Variants in SLC35F3 observed in about 807,000 individuals in gnomAD.
The protein encoded by SLC35F3 is solute carrier family 35 member F3, also known as putative thiamine transporter SLC35F3.
A neutral mutation model predicts 49.9 loss-of-function variants in SLC35F3; 25 were observed. That is an observed-to-expected ratio of 0.50 (90% CI 0.37 to 0.70). The LOEUF is 0.70. SLC35F3 is among the 30% of genes least tolerant of loss of function. SLC35F3 has a pLI of 0.00. For missense variants in SLC35F3, 525 were observed against 639.8 expected (o/e 0.82, Z 1.94); for synonymous variants, 275 against 265.4 (o/e 1.04, Z -0.35).
chr1:234,308,823 A>G (rs79721052), intron 3 of SLC35F3, among the ~76,000 whole-genome samples: 2,432 of 152,172 alleles, frequency 0.016, 30 homozygotes, highest in South Asian at 0.056. Flanking sequence ...GGGTCAGATA[A>G]CACACCAACA....
intron 2 of SLC35F3, among the ~76,000 whole-genome samples, chr1:234,207,062 C>A (rs1450855170): frequency 6.6e-6 from 1 of 152,150 alleles, no homozygotes; most frequent in Non-Finnish European, 1.5e-5. Context: ...CTAGTTCCCA[C>A]TCCACAGAGG....
chr1:234,094,699 A>G (rs1333843006), intron 2 of SLC35F3, among the ~76,000 whole-genome samples: 2 of 152,174 alleles, frequency 1.3e-5, no homozygotes, highest in Non-Finnish European at 2.9e-5. Flanking sequence ...ATATGGCATT[A>G]TAGGATTCGG....
chr1:234,079,666 A>G (rs979777241), intron 2 of SLC35F3, among the ~76,000 whole-genome samples: 12 of 152,248 alleles, frequency 7.9e-5, no homozygotes, highest in African/African-American at 2.9e-4. Context: ...AACATCATTC[A>G]TTATTAGGGA....
At chr1:234,315,241 TAGAA>T (rs1657459564) in intron 4 of SLC35F3, among the ~76,000 whole-genome samples, 2 of 152,230 alleles carry the variant, frequency 1.3e-5, no homozygotes, top group South Asian at 2.1e-4. Context: ...CAGTATTATA[TAGAA>T]ACATAGCGTA....
At chr1:234,088,067 C>T (rs890498400) in intron 2 of SLC35F3, among the ~76,000 whole-genome samples, 1 of 152,226 alleles carries the variant, frequency 6.6e-6, no homozygotes, top group Non-Finnish European at 1.5e-5. Flanking sequence ...AATGTAAGCT[C>T]CATGAATGCA....
chr1:234,207,773 A>G (rs1666995787), intron 2 of SLC35F3, among the ~76,000 whole-genome samples: 1 of 152,186 alleles, frequency 6.6e-6, no homozygotes, highest in African/African-American at 2.4e-5. Flanking sequence ...AGTCCAAGGC[A>G]GGAGGATTGC....
chr1:234,256,595 G>C (rs191951585), intron 3 of SLC35F3, among the ~76,000 whole-genome samples: 41 of 152,270 alleles, frequency 2.7e-4, no homozygotes, highest in African/African-American at 8.9e-4. Context: ...ACCACGGAGT[G>C]GTTCTGGCCA....
At chr1:234,082,459 A>G (rs559605175) in intron 2 of SLC35F3, among the ~76,000 whole-genome samples, 14 of 152,282 alleles carry the variant, frequency 9.2e-5, no homozygotes, top group African/African-American at 3.4e-4. Flanking sequence ...TTGGTTTTAC[A>G]TTCTGCTTGT....
At chr1:234,295,492 C>T (rs937027154) in intron 3 of SLC35F3, among the ~76,000 whole-genome samples, 1 of 152,168 alleles carries the variant, frequency 6.6e-6, no homozygotes, top group African/African-American at 2.4e-5. Context: ...CGATTGCAAG[C>T]ACGGGAGCCA....
Position 234,303,410 on chromosome 1 carries a change from A to T in SLC35F3, c.609-5691A>T, listed in dbSNP as rs570091124. Among the ~76,000 whole-genome samples the T allele has an allele frequency of 3.9e-5, 6 of 152,310 alleles. No individual in the cohort carries two copies. In the South Asian group the frequency reaches 1.2e-3, roughly 32 times the overall value. On this transcript the variant is annotated intron_variant, in intron 3 of 7. Transcript: ENST00000366618. Reference sequence around the variant, plus strand: ...TGCGGTTCCCGGTCTGCAGCAGAGCACCCTGTTGATGCTGGGACCCACTTT... The same window carrying T: ...TGCGGTTCCCGGTCTGCAGCAGAGCTCCCTGTTGATGCTGGGACCCACTTT...
chr1:234,061,186 A>G (rs889266093), intron 2 of SLC35F3, among the ~76,000 whole-genome samples: 1 of 151,802 alleles, frequency 6.6e-6, no homozygotes, highest in African/African-American at 2.4e-5. Context: ...TGTTTATCTC[A>G]AGGCGTCTTT....
rs564753537 is a variant in SLC35F3 at position 233,973,561 on chromosome 1, A to T, written c.283+67803A>T. Among the ~76,000 whole-genome samples the T allele has an allele frequency of 2.6e-5, 4 of 152,348 alleles. No individual in the cohort carries two copies. In the South Asian group the frequency reaches 8.3e-4, roughly 32 times the overall value. On this transcript the variant is annotated intron_variant, in intron 2 of 7. Coordinates refer to ENST00000366618, the MANE Select transcript of SLC35F3 (RefSeq NM_173508.4). Reference sequence around the variant, plus strand: ...TTGAGGATGCAGAGTCTTGTGAGACATGGTTCCTGTTGCTGAGAAGCTTAT... The same window carrying T: ...TTGAGGATGCAGAGTCTTGTGAGACTTGGTTCCTGTTGCTGAGAAGCTTAT...
intron 6 of SLC35F3, among the ~76,000 whole-genome samples, chr1:234,319,451 C>A (rs1411669023): frequency 6.6e-6 from 1 of 152,112 alleles, no homozygotes; most frequent in African/African-American, 2.4e-5. Flanking sequence ...GCCTGTAATC[C>A]CAGCACTTTG....
At chr1:234,194,073 A>C (rs917059447) in intron 2 of SLC35F3, among the ~76,000 whole-genome samples, 9 of 152,232 alleles carry the variant, frequency 5.9e-5, no homozygotes, top group African/African-American at 1.4e-4. Flanking sequence ...ATAAAAGTAG[A>C]ACTTCCATTT....
At chr1:234,208,217 G>A (rs1010445373) in intron 2 of SLC35F3, among the ~76,000 whole-genome samples, 1 of 152,148 alleles carries the variant, frequency 6.6e-6, no homozygotes, top group Non-Finnish European at 1.5e-5. Flanking sequence ...GGTCTCAAGG[G>A]AATCATAAGT....
intron 2 of SLC35F3, among the ~76,000 whole-genome samples, chr1:234,097,129 T>A (rs557257378): frequency 6.6e-6 from 1 of 152,156 alleles, no homozygotes; most frequent in African/African-American, 2.4e-5. Context: ...CCTCAGGTGA[T>A]CTGCCCACCT....
At chr1:233,906,682 A>G (rs1406713264) in intron 2 of SLC35F3, among the ~76,000 whole-genome samples, 1 of 152,080 alleles carries the variant, frequency 6.6e-6, no homozygotes, top group East Asian at 1.9e-4. Flanking sequence ...TCGACCTTTT[A>G]TTGCTTAAAA....
At chr1:234,021,930 T>C (rs1663902016) in intron 2 of SLC35F3, among the ~76,000 whole-genome samples, 2 of 152,220 alleles carry the variant, frequency 1.3e-5, no homozygotes, top group African/African-American at 4.8e-5. Context: ...TGTGCCCAGC[T>C]TCCCACCCAT....
At chr1:233,978,923 C>T (rs1359105586) in intron 2 of SLC35F3, among the ~76,000 whole-genome samples, 1 of 151,818 alleles carries the variant, frequency 6.6e-6, no homozygotes, top group Admixed American at 6.6e-5. Flanking sequence ...GTAATCCCAG[C>T]TACTCGGGAG....
Sources: gnomAD v4.1 joint callset for allele counts (sites outside exome capture counted in the v4.1 genomes callset) on GRCh38, gnomAD v4.1.1 for gene constraint, MANE v1.5 for transcripts, NCBI Gene and HGNC (gene_info 2026-07-23, HGNC 2026-07-21) for gene names.